Variants in PDE4D observed in about 807,000 individuals in gnomAD.
PDE4D encodes phosphodiesterase 4D.
A neutral mutation model predicts 87.4 loss-of-function variants in PDE4D; 24 were observed. The observed-to-expected ratio is 0.27, with a 90% confidence interval of 0.20 to 0.39. PDE4D has a LOEUF of 0.39. PDE4D is among the 10% of genes least tolerant of loss of function. The pLI is 1.00. For synonymous variants in PDE4D, 384 were observed against 383.2 expected, an observed-to-expected ratio of 1.00 and a Z score of -0.02; for missense variants, 714 against 1,041.0, an observed-to-expected ratio of 0.69 and a Z score of 4.32.
At chr5:60,147,168 T>C (rs1040198711) in intron 2 of PDE4D, among the ~76,000 whole-genome samples, 1 of 152,194 alleles carries the variant, frequency 6.6e-6, no homozygotes, top group Non-Finnish European at 1.5e-5. Context: ...TCCCCATTGA[T>C]CACAGGCAAA....
At chr5:60,207,001 T>C (rs1742611878) in intron 1 of PDE4D, among the ~76,000 whole-genome samples, 2 of 152,332 alleles carry the variant, frequency 1.3e-5, no homozygotes, top group South Asian at 2.1e-4. Context: ...AGAGATTATT[T>C]GTTGTAGGCT....
chr5:59,776,314 T>TA (rs971608359), intron 1 of PDE4D, among the ~76,000 whole-genome samples: 6 of 152,168 alleles, frequency 3.9e-5, no homozygotes, highest in Admixed American at 6.5e-5. Context: ...TTTAATAACT[T>TA]AAAAAAAATC....
intron 2 of PDE4D, among the ~76,000 whole-genome samples, chr5:60,146,371 T>C (rs770919274): frequency 2.6e-5 from 4 of 152,230 alleles, no homozygotes; most frequent in Non-Finnish European, 5.9e-5. Context: ...CACCATCATA[T>C]AGTCTCCTTC....
chr5:59,144,899 G>T (rs532509479), intron 5 of PDE4D, among the ~76,000 whole-genome samples: 10 of 130,782 alleles, frequency 7.6e-5, no homozygotes, highest in Non-Finnish European at 1.3e-4. Context: ...ATGGGGGGGG[G>T]GGGGGGAACC....
intron 1 of PDE4D, among the ~76,000 whole-genome samples, chr5:59,868,778 T>G (rs1747407845): frequency 6.6e-6 from 1 of 152,200 alleles, no homozygotes; most frequent in South Asian, 2.1e-4. Flanking sequence ...AAAATGTTCT[T>G]TGTGTAATGT....
At chr5:60,360,172 G>C (rs1026333930) in intron 1 of PDE4D, among the ~76,000 whole-genome samples, 1 of 152,062 alleles carries the variant, frequency 6.6e-6, no homozygotes, top group Admixed American at 6.5e-5. Context: ...CAGACAGGTG[G>C]GATTGCTCAC....
chr5:60,029,958 C>T (rs1767049349), intron 2 of PDE4D, among the ~76,000 whole-genome samples: 1 of 152,170 alleles, frequency 6.6e-6, no homozygotes, highest in Admixed American at 6.5e-5. Flanking sequence ...TTCTGGCTAC[C>T]TAAAATCCCC....
chr5:59,678,586 C>T lies in PDE4D; in HGVS notation c.455+214582G>A, dbSNP rs182233231. ...GTTCAAGCACTTCTCCTGCCTCAGG[C>T]GCCTGAGTAGCTGGGATTATAGGCA... On this transcript the variant is annotated intron_variant, in intron 1 of 14. Transcript: ENST00000340635. Among the ~76,000 whole-genome samples, 474 of 152,222 alleles carry T rather than the reference C, an allele frequency of 3.1e-3. 1 individual carries two copies. Among genetic ancestry groups the T allele is most frequent in the Non-Finnish European group, 4.2e-3 (286 of 68,008 alleles).
At chr5:60,087,796 G>C (rs929405759) in intron 2 of PDE4D, among the ~76,000 whole-genome samples, 1 of 151,982 alleles carries the variant, frequency 6.6e-6, no homozygotes, top group African/African-American at 2.4e-5. Flanking sequence ...ATTTCCAACA[G>C]ATATTATGTA....
chr5:59,382,241 A>G (rs1010486669), intron 1 of PDE4D, among the ~76,000 whole-genome samples: 1 of 152,202 alleles, frequency 6.6e-6, no homozygotes, highest in African/African-American at 2.4e-5. Context: ...TGAATCAAAT[A>G]ACGCAAACCC....
chr5:59,812,555 C>A (rs1768478011), intron 1 of PDE4D, among the ~76,000 whole-genome samples: 2 of 152,086 alleles, frequency 1.3e-5, no homozygotes. Context: ...TGCCTGTAAT[C>A]CCAGCTACTT....
rs530918922 is a variant in PDE4D, at chr5:59,847,816, C to G, written c.455+45352G>C. ...GGCCTGCGCCAAGTTATAGAAAAATCATGGCAATGCCAATTCCTCTGCTCC... is the reference window on the plus strand; with the variant it reads ...GGCCTGCGCCAAGTTATAGAAAAATGATGGCAATGCCAATTCCTCTGCTCC... On this transcript the variant is annotated intron_variant, in intron 1 of 14. Transcript: ENST00000340635. 3.3e-5 allele frequency among the ~76,000 whole-genome samples: 5 copies of G among 152,106 alleles called. No individual in the cohort carries two copies. In the South Asian group the frequency reaches 1.0e-3, roughly 32 times the overall value.
In PDE4D at chr5:60,066,147, T is replaced by C. The variant is rs374158615; in HGVS notation, c.43-77430A>G. The stretch of plus-strand genomic sequence containing the variant: ...CCATTCTAACTGGTGTGAGATGGTA[T>C]CTCATTGTGGTTTTGATTTGCATTT... On this transcript the variant is annotated intron_variant, in intron 2 of 16. Transcript: ENST00000502484. 3.2e-4 allele frequency among the ~76,000 whole-genome samples: 48 copies of C among 152,322 alleles called. 1 individual carries two copies. In the East Asian group the frequency reaches 9.3e-3, roughly 29 times the overall value.
intron 5 of PDE4D, among the ~76,000 whole-genome samples, chr5:59,131,348 A>T (rs13185996): frequency 6.6e-6 from 1 of 152,012 alleles, no homozygotes; most frequent in African/African-American, 2.4e-5. Flanking sequence ...CACAAGTACC[A>T]GGTACTTTAT....
At chr5:59,125,856 T>C (rs1775312243) in intron 5 of PDE4D, among the ~76,000 whole-genome samples, 1 of 152,118 alleles carries the variant, frequency 6.6e-6, no homozygotes, top group African/African-American at 2.4e-5. Flanking sequence ...CTGTATTTTG[T>C]TCACAGTGTT....
At chr5:59,239,608 C>G (rs1292831461) in intron 1 of PDE4D, among the ~76,000 whole-genome samples, 1 of 152,168 alleles carries the variant, frequency 6.6e-6, no homozygotes, top group African/African-American at 2.4e-5. Context: ...AGAGAAGTAA[C>G]TTGCCTGAAA....
intron 2 of PDE4D, among the ~76,000 whole-genome samples, chr5:60,064,328 T>G (rs571282023): frequency 6.6e-6 from 1 of 152,152 alleles, no homozygotes; most frequent in East Asian, 1.9e-4. Context: ...ATGAGGAAAA[T>G]GAGAACAAAG....
intron 2 of PDE4D, among the ~76,000 whole-genome samples, chr5:60,068,347 A>C (rs770403139): frequency 4.6e-5 from 7 of 152,162 alleles, no homozygotes; most frequent in Non-Finnish European, 7.4e-5. Context: ...TTCTTAAAAT[A>C]TCTGTTGGCC....
intron 2 of PDE4D, among the ~76,000 whole-genome samples, chr5:60,063,161 A>G (rs867369184): frequency 2.0e-5 from 3 of 149,656 alleles, no homozygotes; most frequent in Non-Finnish European, 3.0e-5. Flanking sequence ...AAAGAAGGAA[A>G]GAAAGAAAGA....
Sources: allele counts gnomAD v4.1 joint callset (sites outside exome capture counted in the v4.1 genomes callset), GRCh38; gene constraint gnomAD v4.1.1; transcripts MANE v1.5; gene names NCBI Gene and HGNC (gene_info 2026-07-23, HGNC 2026-07-21).